FALEC: variants seen among roughly 807,000 people sequenced by gnomAD.
The protein encoded by FALEC is focally amplified lncRNA on chromosome 1.
At chr1:150,533,825 A>G in the FALEC span, among the ~76,000 whole-genome samples, 1 of 152,182 alleles carries the variant, frequency 6.6e-6, no homozygotes, top group East Asian at 1.9e-4. Flanking sequence ...AAAAAGATAG[A>G]AAAAGGTGAA....
At chr1:150,518,467 C>G (rs1670599257), downstream of FALEC, among the ~76,000 whole-genome samples, 1 of 151,538 alleles carries the variant, frequency 6.6e-6, no homozygotes, top group South Asian at 2.1e-4. Context: ...TCACCGCAAC[C>G]TGTGCCCCCT....
downstream of FALEC, among the ~76,000 whole-genome samples, chr1:150,521,904 A>G (rs1670647820): frequency 1.3e-5 from 2 of 152,222 alleles, no homozygotes; most frequent in Admixed American, 6.5e-5. Flanking sequence ...ATGACTGGAC[A>G]CAAATTGTAG....
chr1:150,527,022 G>A, the FALEC span, among the ~76,000 whole-genome samples: 1,044 of 149,566 alleles, frequency 7.0e-3, 4 homozygotes, highest in Non-Finnish European at 8.8e-3. Flanking sequence ...TGCAACCTCC[G>A]CCTCCCGGGT....
the FALEC span, among the ~76,000 whole-genome samples, chr1:150,529,028 A>AAAAAAAAAAAAAAAAAT: frequency 1.3e-5 from 2 of 150,972 alleles, no homozygotes; most frequent in Non-Finnish European, 3.0e-5. Context: ...AAAAAAAAAA[A>AAAAAAAAAAAAAAAAAT]AAAAAAAAAA....
the FALEC span, among the ~76,000 whole-genome samples, chr1:150,535,346 C>T: frequency 1.3e-5 from 2 of 152,132 alleles, no homozygotes; most frequent in African/African-American, 2.4e-5. Flanking sequence ...CAGGTTCAAG[C>T]AATTCTCCTG....
chr1:150,520,783 CTT>C (rs71086518), downstream of FALEC, among the ~76,000 whole-genome samples: 26 of 42,814 alleles, frequency 6.1e-4, no homozygotes, highest in Non-Finnish European at 9.4e-4. Flanking sequence ...CTTTTCTTTT[CTT>C]TTTTTTTTTT....
In FALEC at chr1:150,516,583, C is replaced by G. The variant is rs188321386; in HGVS notation, n.306+521C>G. Among the ~76,000 whole-genome samples the G allele has an allele frequency of 2.2e-4, 34 of 152,296 alleles. 1 individual carries two copies. The East Asian group carries it at 4.4e-3, about 20-fold the overall frequency. On this transcript the variant is annotated intron_variant and non_coding_transcript_variant, in intron 1 of 1. Transcript: ENST00000416894. Reference sequence around the variant, plus strand: ...GAAGCACGGGTAGCATTGCTGTTAGCAATAAAAGGTGAACGTGTTAACATT... The same window carrying G: ...GAAGCACGGGTAGCATTGCTGTTAGGAATAAAAGGTGAACGTGTTAACATT...
downstream of FALEC, among the ~76,000 whole-genome samples, chr1:150,518,806 G>A (rs1265763992): frequency 6.6e-6 from 1 of 151,878 alleles, no homozygotes; most frequent in Non-Finnish European, 1.5e-5. Context: ...CCTGTAATCC[G>A]GGCACTTTGG....
the FALEC span, among the ~76,000 whole-genome samples, chr1:150,524,187 C>G: frequency 6.6e-6 from 1 of 152,028 alleles, no homozygotes; most frequent in South Asian, 2.1e-4. Context: ...TCTCACTTTG[C>G]CACCTAGGCT....
At chr1:150,521,176 T>A (rs1670637954), downstream of FALEC, among the ~76,000 whole-genome samples, 1 of 152,234 alleles carries the variant, frequency 6.6e-6, no homozygotes, top group African/African-American at 2.4e-5. Flanking sequence ...ATGAATTGTT[T>A]CCAGTTTTAA....
chr1:150,534,629 G>A, the FALEC span, among the ~76,000 whole-genome samples: 1 of 152,068 alleles, frequency 6.6e-6, no homozygotes, highest in Non-Finnish European at 1.5e-5. Flanking sequence ...GGATCATGAG[G>A]TCAGGAAATC....
the FALEC span, among the ~76,000 whole-genome samples, chr1:150,534,892 G>A: frequency 2.6e-5 from 4 of 151,726 alleles, no homozygotes; most frequent in Non-Finnish European, 5.9e-5. Flanking sequence ...AATCTTGGCT[G>A]GAATTGACTT....
downstream of FALEC, among the ~76,000 whole-genome samples, chr1:150,521,856 C>A (rs1303872518): frequency 2.0e-5 from 3 of 152,212 alleles, no homozygotes; most frequent in Non-Finnish European, 4.4e-5. Flanking sequence ...AGCACTCCCT[C>A]CCAATTTGTT....
the FALEC span, among the ~76,000 whole-genome samples, chr1:150,528,921 T>C: frequency 5.3e-5 from 8 of 150,226 alleles, no homozygotes; most frequent in Non-Finnish European, 1.0e-4. Flanking sequence ...ATGATGGTCT[T>C]TGTCTCAGGG....
chr1:150,521,138 A>G (rs1412440804), downstream of FALEC, among the ~76,000 whole-genome samples: 7 of 152,156 alleles, frequency 4.6e-5, no homozygotes, highest in Non-Finnish European at 1.0e-4. Context: ...AAATATGCCA[A>G]TTTATCCATT....
the FALEC span, among the ~76,000 whole-genome samples, chr1:150,526,071 GT>G: frequency 1.8e-4 from 28 of 151,770 alleles, no homozygotes; most frequent in Non-Finnish European, 2.2e-4. Flanking sequence ...TTTTTAAAAA[GT>G]TTTTTTTTGG....
chr1:150,526,687 G>A, the FALEC span, among the ~76,000 whole-genome samples: 1 of 151,804 alleles, frequency 6.6e-6, no homozygotes, highest in African/African-American at 2.4e-5. Context: ...AGGTTGGAGT[G>A]CAGTGGCGCA....
chr1:150,528,308 CTTCTTGATA>C, the FALEC span, among the ~76,000 whole-genome samples: 2 of 152,142 alleles, frequency 1.3e-5, no homozygotes, highest in African/African-American at 4.8e-5. Context: ...TCAACTCCTG[CTTCTTGATA>C]TTGTGAAGCC....
the FALEC span, among the ~76,000 whole-genome samples, chr1:150,525,103 T>C: frequency 6.6e-6 from 1 of 151,456 alleles, no homozygotes; most frequent in Admixed American, 6.6e-5. Context: ...GAGACCAGCC[T>C]GAACAACATG....
Sources: gnomAD v4.1 joint callset for allele counts (sites outside exome capture counted in the v4.1 genomes callset) on GRCh38, gnomAD v4.1.1 for gene constraint, MANE v1.5 for transcripts, NCBI Gene and HGNC (gene_info 2026-07-23, HGNC 2026-07-21) for gene names.